Variants in GHITM observed in about 807,000 individuals in gnomAD.
GHITM encodes the protein growth hormone-inducible transmembrane protein.
A neutral mutation model predicts 38.7 loss-of-function variants in GHITM; 24 were observed. The observed-to-expected ratio is 0.62, with a 90% CI of 0.45 to 0.87. The LOEUF (loss-of-function observed/expected upper bound fraction) is 0.87, where lower values mean the gene tolerates loss of function less well. Among genes scored for constraint, GHITM ranks in the 40% least tolerant of loss-of-function variants. GHITM has a pLI of 0.00. For missense variants in GHITM, 420 were observed against 429.8 expected (o/e 0.98, Z 0.20); for synonymous variants, 154 against 147.8 (o/e 1.04, Z -0.30).
At chr10:84,150,341 GT>G in intron 7 of GHITM, 98 bp downstream of exon 7, 3 of 1,011,062 alleles carry the variant, frequency 3.0e-6, no homozygotes, top group Non-Finnish European at 4.2e-6. Flanking sequence ...TATTTTAAAA[GT>G]TTTTTTAAAG....
At chr10:84,145,077 A>G in intron 5 of GHITM, 61 bp downstream of exon 5, 1 of 1,324,744 alleles carries the variant, frequency 7.5e-7, no homozygotes. Context: ...GATAAAATAT[A>G]TTGGAGGGAA....
intron 2 of GHITM, among the ~76,000 whole-genome samples, chr10:84,142,187 T>C (rs1332983220): frequency 6.6e-6 from 1 of 152,212 alleles, no homozygotes; most frequent in Admixed American, 6.5e-5. Flanking sequence ...AGAGCCACAA[T>C]GGAAGTAGTA....
chr10:84,148,585 C>A, intron 5 of GHITM, 145 bp from the exon 6 acceptor site: 1 of 586,512 alleles, frequency 1.7e-6, no homozygotes. Flanking sequence ...CGTGAGCCAC[C>A]ACGCCTGGCC....
intron 7 of GHITM, 33 bp from the exon 8 acceptor site, chr10:84,150,676 A>T (rs201077651): frequency 1.1e-4 from 167 of 1,540,562 alleles, no homozygotes; most frequent in African/African-American, 1.1e-3. Context: ...ATCCTTTTTT[A>T]AAAAAAATCT....
chr10:84,143,775 C>T (rs1841530927), intron 3 of GHITM, among the ~76,000 whole-genome samples: 1 of 152,152 alleles, frequency 6.6e-6, no homozygotes, highest in Admixed American at 6.5e-5. Context: ...TGAAGATTCA[C>T]CAAGCCTGAT....
rs763496991 is a variant in GHITM, at chr10:84,150,129, G to A, written c.667G>A (p.Ala223Thr). The change falls in exon 7 of 9, where the codon GCT becomes ACT. Residue 223 changes from alanine to threonine, a missense_variant. Transcript: ENST00000372134. ...PLLIRAAWYT[A>T]GIVGGLSTVA... ...TCTCATCAGAGCTGCATGGTACACAGCTGGCATTGTGGGAGGCCTCTCCAC... is the reference window on the plus strand; with the variant it reads ...TCTCATCAGAGCTGCATGGTACACAACTGGCATTGTGGGAGGCCTCTCCAC... 1.2e-6 allele frequency: 2 copies of A among 1,614,096 alleles called. No individual in the cohort carries two copies. The highest frequency in any genetic ancestry group is 4.5e-5 in the East Asian group (2 of 44,886).
chr10:84,152,230 C>T (rs775383514), intron 8 of GHITM, 34 bp from the exon 9 acceptor site: 6 of 945,226 alleles, frequency 6.3e-6, no homozygotes, highest in Non-Finnish European at 1.0e-5. Flanking sequence ...ATTAGAATTG[C>T]ATCATATATA....
intron 5 of GHITM, among the ~76,000 whole-genome samples, chr10:84,147,668 G>A (rs941511739): frequency 6.6e-6 from 1 of 151,938 alleles, no homozygotes; most frequent in African/African-American, 2.4e-5. Context: ...AACATCTGTG[G>A]CCTGATTCCA....
At position 84,153,173 on chromosome 10, in the gene GHITM, T is replaced by A. The variant is rs1370018526; in HGVS notation, c.*825T>A. ...TTCCAGAATACAAACAGTATACTCA[T>A]GATTGCTAAGTGTTTTTTTATTTTT... is the stretch of plus-strand genomic sequence containing the variant. On this transcript the variant is annotated 3_prime_UTR_variant, in exon 9 of 9. Transcript: ENST00000372134. The A allele has an allele frequency of 6.6e-6, 1 of 152,226 alleles. No individual in the cohort carries two copies. The highest frequency in any genetic ancestry group is 1.5e-5 in the Non-Finnish European group (1 of 68,036). 9.4% of individuals were successfully genotyped at this position (152,226 alleles called of 1,614,324 possible). A position where few individuals can be genotyped will look rare whatever the true frequency, so the allele number is the denominator to read the frequency against.
At position 84,144,050 on chromosome 10, in the gene GHITM, A is replaced by G; in HGVS notation, c.285A>G (p.Ala95=). 1 of 1,614,126 alleles carries G rather than the reference A, an allele frequency of 6.2e-7. No homozygotes were observed. Among genetic ancestry groups the G allele is most frequent in the East Asian group, 2.2e-5 (1 of 44,870 alleles). The part of the protein sequence containing the change: ...VAGGAAVGLG[A]LCYYGLGLSN... ...GAGGGGCTGCTGTTGGTCTTGGAGC[A>G]TTGTGCTACTATGGCTTGGGACTGT... The change falls in exon 4 of 9, where the codon GCA becomes GCG. Residue 95 remains alanine (A), a synonymous_variant. Transcript: ENST00000372134.
At chr10:84,143,736 T>A (rs1404945444) in intron 3 of GHITM, among the ~76,000 whole-genome samples, 2 of 152,214 alleles carry the variant, frequency 1.3e-5, no homozygotes, top group Non-Finnish European at 2.9e-5. Flanking sequence ...ACAGGTATAC[T>A]GCTCCCTCAA....
chr10:84,143,866 C>T, intron 3 of GHITM, 129 bp from the exon 4 acceptor site: 2 of 652,890 alleles, frequency 3.1e-6, no homozygotes, highest in South Asian at 2.0e-5. Flanking sequence ...GAGGCAATTT[C>T]TGTACCCCAT....
chr10:84,153,506 G>GT lies in GHITM; in HGVS notation c.*1159dup, dbSNP rs1181757572. Among the ~76,000 whole-genome samples, 1 of 152,196 alleles carries GT rather than the reference G, an allele frequency of 6.6e-6. No individual in the cohort carries two copies. The highest frequency in any genetic ancestry group is 1.5e-5 in the Non-Finnish European group (1 of 68,040). The stretch of plus-strand genomic sequence containing the variant: ...ACACCATTACTTTCTTGAGACATTT[G>GT]TAAGTTCTTTGATACAGAAGAGTTA... On this transcript the variant is annotated 3_prime_UTR_variant, in exon 9 of 9. Coordinates refer to ENST00000372134, the MANE Select transcript of GHITM (RefSeq NM_014394.3).
At chr10:84,143,082 C>T (rs1841523266) in intron 3 of GHITM, among the ~76,000 whole-genome samples, 2 of 152,110 alleles carry the variant, frequency 1.3e-5, no homozygotes, top group South Asian at 4.1e-4. Context: ...GTGTATGTTT[C>T]AGATTAAGAA....
rs1197477407 is a variant in GHITM at position 84,141,536 on chromosome 10, A to G, written c.36A>G (p.Leu12=). The G allele has an allele frequency of 5.6e-6, 9 of 1,613,538 alleles. No homozygotes were observed. The highest frequency in any genetic ancestry group is 1.3e-5 in the African/African-American group (1 of 74,966). The change falls in exon 2 of 9, where the codon CTA becomes CTG. Residue 12 remains leucine, a synonymous_variant. Coordinates refer to ENST00000372134, the MANE Select transcript of GHITM (RefSeq NM_014394.3). The part of the protein sequence containing the change: ...LAARLVCLRT[L]PSRVFHPAFT... ...CAAGGCTGGTGTGTCTCCGGACACT[A>G]CCTTCTAGGGTTTTCCACCCAGCTT...
intron 4 of GHITM, among the ~76,000 whole-genome samples, chr10:84,144,511 G>A (rs1422049800): frequency 6.6e-6 from 1 of 152,076 alleles, no homozygotes; most frequent in Admixed American, 6.5e-5. Context: ...ATGCCACCAT[G>A]CCCGGCTATT....
intron 1 of GHITM, chr10:84,139,989 C>G (rs1841489862): frequency 6.6e-6 from 1 of 152,286 alleles, no homozygotes; most frequent in South Asian, 2.1e-4. Flanking sequence ...GGACCAGGCA[C>G]CCAAACTCAT....
rs964858602 is a variant in GHITM, at chr10:84,142,701, G to A, written c.176G>A (p.Gly59Asp). Residue 59 changes from glycine to aspartate, a missense_variant, in exon 3 of 9, where the codon GGC becomes GAC. Transcript: ENST00000372134. ...ATTGGGATCCGGCGTGGGAGAACTGGCCAAGAACTCAAAGAGGCAGCATTG... is the reference window on the plus strand; with the variant it reads ...ATTGGGATCCGGCGTGGGAGAACTGACCAAGAACTCAAAGAGGCAGCATTG... ...TRIGIRRGRT[G>D]QELKEAALEP... The A allele has an allele frequency of 6.2e-7, 1 of 1,612,832 alleles. No individual in the cohort carries two copies. Among genetic ancestry groups the A allele is most frequent in the African/African-American group, 1.3e-5 (1 of 74,996 alleles).
intron 1 of GHITM, chr10:84,140,039 T>C (rs1841490749): frequency 6.6e-6 from 1 of 152,152 alleles, no homozygotes. Flanking sequence ...TTAGGGTCGG[T>C]AGTATTTTCC....
Sources: gnomAD v4.1 joint callset for allele counts (sites outside exome capture counted in the v4.1 genomes callset) on GRCh38, gnomAD v4.1.1 for gene constraint, MANE v1.5 for transcripts, NCBI Gene and HGNC (gene_info 2026-07-23, HGNC 2026-07-21) for gene names.